ALPL: variants seen among roughly 807,000 people sequenced by gnomAD.
ALPL encodes the protein alkaline phosphatase, tissue-nonspecific isozyme.
Under a neutral mutation model 51.3 loss-of-function variants are expected in ALPL, and 42 were observed. The observed-to-expected ratio is 0.82, with a 90% CI of 0.64 to 1.06. The LOEUF (loss-of-function observed/expected upper bound fraction) is 1.06. Among genes scored for constraint, ALPL ranks in the 50% least tolerant of loss-of-function variants. The pLI is 0.00. For synonymous variants in ALPL, 279 were observed against 296.4 expected, an observed-to-expected ratio of 0.94 and a Z score of 0.60; for missense variants, 589 against 709.4, an observed-to-expected ratio of 0.83 and a Z score of 1.93.
At chr1:21,533,761 A>T (rs1215679652) in intron 1 of ALPL, among the ~76,000 whole-genome samples, 1 of 151,976 alleles carries the variant, frequency 6.6e-6, no homozygotes, top group African/African-American at 2.4e-5. Flanking sequence ...CATCTCTACT[A>T]ATAATACAAA....
At chr1:21,517,553 C>CGTCT (rs1160497727) in intron 1 of ALPL, among the ~76,000 whole-genome samples, 1 of 152,138 alleles carries the variant, frequency 6.6e-6, no homozygotes, top group Non-Finnish European at 1.5e-5. Flanking sequence ...GGGGCACCAG[C>CGTCT]GTCTGTTCTC....
Position 21,576,270 on chromosome 1 carries a change from G to GAT in ALPL, c.1190-252_1190-251insAT, listed in dbSNP as rs1553414749. ...TGGATGGATGATGGATGGATGGATG[G>GAT]GTGGATGGATGGATGGGTGGATGGA... On this transcript the variant is annotated intron_variant, in intron 10 of 11. Coordinates refer to ENST00000374840, the MANE Select transcript of ALPL (RefSeq NM_000478.6). Among the ~76,000 whole-genome samples the GAT allele has an allele frequency of 4.2e-4, 9 of 21,386 alleles. No homozygotes were observed. The South Asian group carries it at 9.0e-3, about 21-fold the overall frequency. The allele number at this position is 21,386 out of a possible 152,430, so 14.0% of individuals were successfully genotyped here.
chr1:21,519,616 G>A (rs562991317), intron 1 of ALPL, among the ~76,000 whole-genome samples: 7 of 152,222 alleles, frequency 4.6e-5, no homozygotes, highest in Non-Finnish European at 1.0e-4. Flanking sequence ...GGCCAACATG[G>A]TGAAACCCTA....
chr1:21,555,826 A>G (rs1644405651), intron 2 of ALPL, among the ~76,000 whole-genome samples: 1 of 151,840 alleles, frequency 6.6e-6, no homozygotes, highest in Admixed American at 6.6e-5. Context: ...GCTGGAGTGC[A>G]GTGGCGCAAT....
chr1:21,539,828 G>A (rs1570222999), intron 1 of ALPL, among the ~76,000 whole-genome samples: 1 of 151,752 alleles, frequency 6.6e-6, no homozygotes, highest in Non-Finnish European at 1.5e-5. Context: ...CTAATTTTTT[G>A]TATATTTTTA....
chr1:21,546,847 C>T (rs988550485), intron 1 of ALPL, among the ~76,000 whole-genome samples: 3 of 152,210 alleles, frequency 2.0e-5, no homozygotes, highest in African/African-American at 7.2e-5. Context: ...AAGAGCAGTT[C>T]GTCTTCTTCT....
At chr1:21,524,878 G>T (rs1032215761) in intron 1 of ALPL, among the ~76,000 whole-genome samples, 2 of 152,196 alleles carry the variant, frequency 1.3e-5, no homozygotes, top group Admixed American at 1.3e-4. Flanking sequence ...GGCATGGCGG[G>T]GCAGTCCTGG....
chr1:21,555,674 T>A (rs1347620668), intron 2 of ALPL, among the ~76,000 whole-genome samples: 1 of 152,206 alleles, frequency 6.6e-6, no homozygotes, highest in Non-Finnish European at 1.5e-5. Flanking sequence ...CGCCTTGGCC[T>A]CCCAAAGTGC....
At chr1:21,574,943 C>T (rs1468163570) in intron 9 of ALPL, among the ~76,000 whole-genome samples, 1 of 152,250 alleles carries the variant, frequency 6.6e-6, no homozygotes, top group Non-Finnish European at 1.5e-5. Context: ...CACCAGGCAG[C>T]GCCCTCCTGT....
intron 1 of ALPL, among the ~76,000 whole-genome samples, chr1:21,512,396 TG>T (rs1207674833): frequency 3.3e-5 from 5 of 152,198 alleles, no homozygotes; most frequent in Non-Finnish European, 4.4e-5. Context: ...AGATCATAAA[TG>T]GTTTTCCAAC....
chr1:21,559,509 A>G (rs1047410117), intron 2 of ALPL, among the ~76,000 whole-genome samples: 7 of 152,104 alleles, frequency 4.6e-5, no homozygotes, highest in Non-Finnish European at 1.0e-4. Context: ...TACTTGGAGC[A>G]GCTGGGGGTT....
chr1:21,540,065 G>T (rs1644162228), intron 1 of ALPL, among the ~76,000 whole-genome samples: 1 of 152,160 alleles, frequency 6.6e-6, no homozygotes, highest in Non-Finnish European at 1.5e-5. Context: ...GGAGGAGGTG[G>T]TTGGCGAACA....
chr1:21,510,877 C>T (rs1030182091), intron 1 of ALPL, among the ~76,000 whole-genome samples: 3 of 152,344 alleles, frequency 2.0e-5, no homozygotes, highest in African/African-American at 7.2e-5. Context: ...CTTTTTCTTT[C>T]TTTAACTGAA....
chr1:21,518,212 C>T (rs1017108896), intron 1 of ALPL, among the ~76,000 whole-genome samples: 7 of 151,978 alleles, frequency 4.6e-5, no homozygotes, highest in African/African-American at 9.7e-5. Context: ...GTAAGAGTGA[C>T]GAGAAAGAGG....
chr1:21,522,686 A>T (rs1461127843), intron 1 of ALPL, among the ~76,000 whole-genome samples: 1 of 152,180 alleles, frequency 6.6e-6, no homozygotes, highest in South Asian at 2.1e-4. Context: ...AAAATGCCTC[A>T]TCCAGTGTCG....
Position 21,570,327 on chromosome 1 carries a change from G to C in ALPL, c.815G>C (p.Arg272Pro), listed in dbSNP as rs781272386. ...RYKHSHFIWN[R>P]TELLTLDPHN... ...TAGCACTCCCACTTCATCTGGAACC[G>C]CACGGAACTCCTGACCCTTGACCCC... The change falls in exon 8 of 12, where the codon CGC (arginine) becomes CCC (proline). Residue 272 changes from arginine (R) to proline (P), a missense_variant. Arg to Pro is a moderately radical substitution (Grantham distance 103). Transcript: ENST00000374840. 3.7e-6 allele frequency: 6 copies of C among 1,614,036 alleles called. No homozygotes were observed. Among genetic ancestry groups the C allele is most frequent in the Non-Finnish European group, 4.2e-6 (5 of 1,179,966 alleles).
intron 4 of ALPL, 116 bp from the exon 5 acceptor site, chr1:21,562,994 C>A: frequency 7.1e-7 from 1 of 1,398,720 alleles, no homozygotes; most frequent in South Asian, 1.2e-5. Flanking sequence ...CTGGTCAAGG[C>A]TATGGGGTCC....
intron 1 of ALPL, among the ~76,000 whole-genome samples, chr1:21,533,933 A>T (rs1644063653): frequency 1.0e-5 from 1 of 95,848 alleles, no homozygotes; most frequent in African/African-American, 3.6e-5. Context: ...TCAAAAAAAA[A>T]AAAAGAAGAA....
Position 21,536,651 on chromosome 1 carries a change from T to C in ALPL, c.-104-17327T>C, listed in dbSNP as rs1283739884. ...CTCATAACCCAGCAAGCAGACAGAG[T>C]CTTCCAGCTGGAGCCAGTCAGGGTC... On this transcript the variant is annotated intron_variant, in intron 1 of 11. Transcript: ENST00000374840. 4.6e-5 allele frequency among the ~76,000 whole-genome samples: 7 copies of C among 152,024 alleles called. No homozygotes were observed. The East Asian group carries it at 1.4e-3, about 29-fold the overall frequency.
Sources: allele counts gnomAD v4.1 joint callset (sites outside exome capture counted in the v4.1 genomes callset), GRCh38; gene constraint gnomAD v4.1.1; transcripts MANE v1.5; gene names NCBI Gene and HGNC (gene_info 2026-07-23, HGNC 2026-07-21).